TIAM1: variants seen among roughly 807,000 people sequenced by gnomAD.
TIAM1 encodes the protein TIAM Rac1 associated GEF 1.
A neutral mutation model predicts 163.5 loss-of-function variants in TIAM1; 65 were observed. The observed-to-expected ratio is 0.40, with a 90% confidence interval of 0.33 to 0.49. The LOEUF is 0.49. TIAM1 is among the 20% of genes least tolerant of loss of function. TIAM1 has a pLI of 0.77. For missense variants in TIAM1, 1,789 were observed against 2,044.7 expected (o/e 0.87, Z 2.41); for synonymous variants, 833 against 810.1 (o/e 1.03, Z -0.48).
At chr21:31,148,457 T>C (rs2083235679) in intron 19 of TIAM1, among the ~76,000 whole-genome samples, 2 of 152,216 alleles carry the variant, frequency 1.3e-5, no homozygotes, top group Non-Finnish European at 2.9e-5. Context: ...TGAGGGACTG[T>C]GAGTCCATTA....
At chr21:31,456,493 T>C (rs570956139) in intron 2 of TIAM1, among the ~76,000 whole-genome samples, 12 of 152,386 alleles carry the variant, frequency 7.9e-5, no homozygotes, top group African/African-American at 2.9e-4. Context: ...CTGCTGCATT[T>C]GGAAGATTTT....
intron 19 of TIAM1, among the ~76,000 whole-genome samples, chr21:31,151,083 G>C (rs1194347348): frequency 1.3e-5 from 2 of 152,208 alleles, no homozygotes; most frequent in Non-Finnish European, 2.9e-5. Flanking sequence ...GAAAGTGACT[G>C]TGACCTCAGC....
At chr21:31,219,459 A>G (rs2087420739) in intron 8 of TIAM1, among the ~76,000 whole-genome samples, 2 of 152,228 alleles carry the variant, frequency 1.3e-5, no homozygotes, top group African/African-American at 4.8e-5. Context: ...ATTGGCAGCA[A>G]TGCAGGGGAT....
chr21:31,150,305 T>A (rs752428400), intron 19 of TIAM1, among the ~76,000 whole-genome samples: 2 of 152,180 alleles, frequency 1.3e-5, no homozygotes, highest in Non-Finnish European at 2.9e-5. Context: ...AAACATATAT[T>A]GAGGTAGAAT....
intron 13 of TIAM1, among the ~76,000 whole-genome samples, chr21:31,189,158 G>A (rs537005877): frequency 3.0e-4 from 42 of 139,276 alleles, no homozygotes; most frequent in African/African-American, 9.9e-4. Flanking sequence ...AGGTTAAAGC[G>A]ATTCTCCTAC....
intron 2 of TIAM1, among the ~76,000 whole-genome samples, chr21:31,307,344 C>CCA (rs1258760007): frequency 6.6e-6 from 1 of 152,134 alleles, no homozygotes; most frequent in Non-Finnish European, 1.5e-5. Context: ...TCATGCCAAG[C>CCA]CACTCTTATG....
chr21:31,367,161 G>A (rs1417551270), intron 2 of TIAM1, among the ~76,000 whole-genome samples: 1 of 152,014 alleles, frequency 6.6e-6, no homozygotes, highest in Non-Finnish European at 1.5e-5. Context: ...AGGGAGAGAG[G>A]AAAGGAGGAA....
At chr21:31,385,777 T>C (rs1476482632) in intron 2 of TIAM1, among the ~76,000 whole-genome samples, 4 of 147,718 alleles carry the variant, frequency 2.7e-5, no homozygotes, top group Non-Finnish European at 4.5e-5. Flanking sequence ...TATGAACAAA[T>C]ATGTATATAT....
rs566811108 is a variant in TIAM1, at chr21:31,388,779, C to G, written c.-368-49357G>C. On this transcript the variant is annotated intron_variant, in intron 2 of 28. Transcript: ENST00000286827. ...TGTAAAATGGGGATAATAATTGAAT[C>G]TACATCACAGAGTTCATATGAGAAT... is the stretch of plus-strand genomic sequence containing the variant. Among the ~76,000 whole-genome samples the G allele has an allele frequency of 4.6e-5, 7 of 152,270 alleles. No individual in the cohort carries two copies. The South Asian group carries it at 1.5e-3, about 32-fold the overall frequency.
chr21:31,485,268 T>G (rs1421506624), intron 1 of TIAM1, among the ~76,000 whole-genome samples: 1 of 152,134 alleles, frequency 6.6e-6, no homozygotes, highest in Non-Finnish European at 1.5e-5. Flanking sequence ...ACATTCCAAC[T>G]GGTCCCCAGA....
In TIAM1 at chr21:31,152,638, T is replaced by G. The variant is rs1458836384; in HGVS notation, c.3364A>C (p.Lys1122Gln). The change falls in exon 19 of 28, where the codon AAG (lysine) becomes CAG (glutamine). Residue 1122 changes from lysine (K) to glutamine (Q), a missense_variant and splice_region_variant. Lys to Gln is a moderately conservative substitution (Grantham distance 53). Coordinates refer to ENST00000541036, the MANE Select transcript of TIAM1 (RefSeq NM_001353694.2). ...LEKLEKVDQF[K>Q]KVLFSLGGSF... ...GGAGGCAGCTTTGCACTATTTACCT[T>G]AAATTGATCAACCTTCTCAAGCTTT... is the stretch of plus-strand genomic sequence containing the variant. The G allele has an allele frequency of 6.2e-7, 1 of 1,614,170 alleles. No individual in the cohort carries two copies. The highest frequency in any genetic ancestry group is 1.7e-5 in the Admixed American group (1 of 60,016).
At chr21:31,170,428 C>T (rs188308058) in intron 15 of TIAM1, among the ~76,000 whole-genome samples, 5 of 152,184 alleles carry the variant, frequency 3.3e-5, no homozygotes, top group Admixed American at 3.3e-4. Flanking sequence ...TCAAGCAATA[C>T]CAAAGAATCT....
intron 15 of TIAM1, among the ~76,000 whole-genome samples, chr21:31,168,558 G>A (rs1290735727): frequency 1.3e-5 from 2 of 151,970 alleles, no homozygotes; most frequent in African/African-American, 4.8e-5. Context: ...CTGCCACCAC[G>A]CCCTGCTAAT....
chr21:31,165,164 G>A, intron 15 of TIAM1, 99 bp from the exon 16 acceptor site: 1 of 1,016,312 alleles, frequency 9.8e-7, no homozygotes, highest in South Asian at 1.4e-5. Context: ...CTCATGACAT[G>A]TACATATACT....
chr21:31,555,946 G>A (rs73199537), intron 1 of TIAM1, among the ~76,000 whole-genome samples: 3 of 152,224 alleles, frequency 2.0e-5, no homozygotes, highest in African/African-American at 2.4e-5. Flanking sequence ...TTCCTTTCTG[G>A]TTTAGAGGGG....
rs1016863092 is a variant in TIAM1, at chr21:31,147,070, G to T, written c.3367-67C>A. 1.4e-5 allele frequency: 19 copies of T among 1,392,490 alleles called. No individual in the cohort carries two copies. In the African/African-American group the frequency reaches 2.4e-4, roughly 18 times the overall value. 86.3% of individuals were successfully genotyped at this position (1,392,490 alleles called of 1,614,324 possible). The stretch of plus-strand genomic sequence containing the variant: ...TCCACTGGAAATATCAGCAGGTTAT[G>T]GCAGGGAGCTCACATCTGCCTGGCC... On this transcript the variant is annotated intron_variant, in intron 19 of 27. Transcript: ENST00000541036.
At chr21:31,247,888 G>C (rs1344855134) in intron 5 of TIAM1, among the ~76,000 whole-genome samples, 1 of 152,042 alleles carries the variant, frequency 6.6e-6, no homozygotes, top group African/African-American at 2.4e-5. Context: ...GCACAGATTA[G>C]AGAGACAAAG....
At chr21:31,520,367 C>T (rs943910556) in intron 1 of TIAM1, among the ~76,000 whole-genome samples, 22 of 151,006 alleles carry the variant, frequency 1.5e-4, no homozygotes, top group East Asian at 3.9e-4. Flanking sequence ...CAATGACAAA[C>T]GATGTTATAC....
At chr21:31,276,142 G>T (rs2073289385) in intron 3 of TIAM1, among the ~76,000 whole-genome samples, 1 of 152,048 alleles carries the variant, frequency 6.6e-6, no homozygotes. Flanking sequence ...CTTGAAGACG[G>T]TGTTGGGGGG....
Sources: allele counts gnomAD v4.1 joint callset (sites outside exome capture counted in the v4.1 genomes callset), GRCh38; gene constraint gnomAD v4.1.1; transcripts MANE v1.5; gene names NCBI Gene and HGNC (gene_info 2026-07-23, HGNC 2026-07-21).